PSME4: variants seen among roughly 807,000 people sequenced by gnomAD.
The protein encoded by PSME4 is proteasome activator complex subunit 4.
In PSME4, 89 loss-of-function variants were observed where a neutral mutation model predicts 253.9. That is an observed-to-expected ratio of 0.35 (90% CI 0.30 to 0.42). PSME4 has a LOEUF of 0.42. Ranked by LOEUF, PSME4 falls within the 10% of genes least tolerant of loss-of-function variation. PSME4 has a pLI of 1.00. For missense variants in PSME4, 2,014 were observed against 2,195.2 expected, an observed-to-expected ratio of 0.92 and a Z score of 1.65; for synonymous variants, 851 against 759.2, an observed-to-expected ratio of 1.12 and a Z score of -1.99.
intron 2 of PSME4, among the ~76,000 whole-genome samples, chr2:53,948,849 CAGG>C (rs111948541): frequency 0.015 from 2,224 of 152,286 alleles, 25 homozygotes; most frequent in Middle Eastern, 0.037. Context: ...TTGGATGCTT[CAGG>C]GTAAGCAAAA....
At chr2:53,904,250 A>T in intron 26 of PSME4, 94 bp from the exon 27 acceptor site, 1 of 1,267,462 alleles carries the variant, frequency 7.9e-7, no homozygotes, top group Non-Finnish European at 1.1e-6. Flanking sequence ...GATAATTTAC[A>T]TGTTTTTCTC....
Position 53,970,729 on chromosome 2 carries a change from G to T in PSME4, c.56C>A (p.Pro19His), listed in dbSNP as rs1204412972. 6.5e-7 allele frequency: 1 copy of T among 1,547,602 alleles called. No individual in the cohort carries two copies. Among genetic ancestry groups the T allele is most frequent in the Admixed American group, 2.0e-5 (1 of 50,888 alleles). ...VGEPPEPGGR[P>H]EPGPRGFVPQ... is the part of the protein sequence containing the mutation. ...GACGAAGCCCCGCGGGCCCGGCTCG[G>T]GACGCCCGCCCGGCTCCGGGGGCTC... Residue 19 changes from proline (P) to histidine (H), a missense_variant, in exon 1 of 47, where the codon CCC becomes CAC. Physicochemically the swap from Pro to His is moderately conservative, Grantham distance 77. This residue lies in a region of PSME4 where 615 missense variants were observed against 594.4 expected (regional missense o/e 1.03). Transcript: ENST00000404125.
chr2:53,962,373 T>C lies in PSME4; in HGVS notation c.242+8170A>G, dbSNP rs552519332. Among the ~76,000 whole-genome samples, 235 of 143,772 alleles carry C rather than the reference T, an allele frequency of 1.6e-3. 1 individual carries two copies. The highest frequency in any genetic ancestry group is 5.6e-3 in the African/African-American group (215 of 38,444). The allele number at this position is 143,772 out of a possible 152,430, so 94.3% of individuals were successfully genotyped here. On this transcript the variant is annotated intron_variant, in intron 1 of 46. Transcript: ENST00000404125. ...AGAAAAACAGTTCTTAGAAGTTATA[T>C]AGTTATATGCTTATTTACAAGCTTG...
intron 38 of PSME4, 86 bp from the exon 39 acceptor site, chr2:53,888,075 A>C: frequency 7.4e-7 from 1 of 1,354,318 alleles, no homozygotes; most frequent in South Asian, 1.9e-5. Flanking sequence ...TCTGTATTTC[A>C]CTTAAAGCTT....
In PSME4 at chr2:53,931,973, A is replaced by C; in HGVS notation, c.1178T>G (p.Val393Gly). 1 of 1,614,152 alleles carries C rather than the reference A, an allele frequency of 6.2e-7. No homozygotes were observed. The highest frequency in any genetic ancestry group is 2.2e-5 in the East Asian group (1 of 44,882). The change falls in exon 10 of 47, where the codon GTT becomes GGT. Residue 393 changes from valine (V) to glycine (G), a missense_variant. Val to Gly is a moderately radical substitution (Grantham distance 109, BLOSUM62 -3). This residue lies in a region of PSME4 where 615 missense variants were observed against 594.4 expected (regional missense o/e 1.03). Transcript: ENST00000404125. ...PDSHKLTDQD[V>G]TDFVQCIIQP... The stretch of plus-strand genomic sequence containing the variant: ...AATAATGCATTGTACAAAGTCTGTA[A>C]CATCTTGATCAGTAAGCTTGTGGCT...
intron 41 of PSME4, among the ~76,000 whole-genome samples, chr2:53,884,084 A>G (rs543294405): frequency 2.8e-4 from 43 of 152,312 alleles, no homozygotes; most frequent in African/African-American, 9.1e-4. Flanking sequence ...CAAAATAACT[A>G]TGACATGATG....
intron 16 of PSME4, 138 bp from the exon 17 acceptor site, chr2:53,922,722 A>G: frequency 8.8e-7 from 1 of 1,132,432 alleles, no homozygotes; most frequent in Non-Finnish European, 1.2e-6. Context: ...TTCTTCATGA[A>G]GCTGAGCTTG....
chr2:53,886,029 G>T (rs893266761), intron 40 of PSME4, among the ~76,000 whole-genome samples: 3 of 152,152 alleles, frequency 2.0e-5, no homozygotes, highest in Non-Finnish European at 2.9e-5. Flanking sequence ...CAGAATAGGA[G>T]AAAATATTTC....
intron 1 of PSME4, among the ~76,000 whole-genome samples, chr2:53,957,358 A>G (rs1670283193): frequency 1.3e-5 from 2 of 152,222 alleles, no homozygotes. Flanking sequence ...ATCATAATGT[A>G]GAATCAGTGG....
At chr2:53,904,891 G>A (rs1220804578) in intron 26 of PSME4, among the ~76,000 whole-genome samples, 1 of 151,856 alleles carries the variant, frequency 6.6e-6, no homozygotes, top group East Asian at 2.0e-4. Flanking sequence ...GGGAGGCTGA[G>A]GCAGGAGAAT....
intron 24 of PSME4, among the ~76,000 whole-genome samples, chr2:53,907,485 A>G (rs919357001): frequency 4.6e-5 from 7 of 152,078 alleles, no homozygotes; most frequent in Admixed American, 1.3e-4. Flanking sequence ...TTTCACCTGG[A>G]GTGAAACAGT....
At chr2:53,958,303 C>G (rs1042420579) in intron 1 of PSME4, among the ~76,000 whole-genome samples, 3 of 151,674 alleles carry the variant, frequency 2.0e-5, no homozygotes, top group Non-Finnish European at 4.4e-5. Context: ...TTGCAGTGAG[C>G]TGAGATAGCA....
chr2:53,936,217 C>A, intron 6 of PSME4, 56 bp from the exon 7 acceptor site: 1 of 1,603,696 alleles, frequency 6.2e-7, no homozygotes, highest in South Asian at 1.1e-5. Flanking sequence ...GTTTAAGTGT[C>A]ATAGTCACAC....
intron 38 of PSME4, 81 bp downstream of exon 38, chr2:53,888,640 A>G: frequency 1.0e-6 from 1 of 967,506 alleles, no homozygotes; most frequent in Non-Finnish European, 1.6e-6. Context: ...CTTTACAAGT[A>G]TAGACCATTC....
chr2:53,878,161 T>C (rs1389376942), intron 41 of PSME4, among the ~76,000 whole-genome samples: 1 of 152,172 alleles, frequency 6.6e-6, no homozygotes, highest in Non-Finnish European at 1.5e-5. Flanking sequence ...ATTGTGAAGA[T>C]TTCATGGACA....
chr2:53,945,770 G>A (rs995143182), intron 3 of PSME4, among the ~76,000 whole-genome samples: 4 of 152,168 alleles, frequency 2.6e-5, no homozygotes, highest in African/African-American at 9.7e-5. Context: ...TCTAAAAATA[G>A]TATGAACACA....
At chr2:53,875,960 C>T (rs1344187529) in intron 41 of PSME4, among the ~76,000 whole-genome samples, 2 of 152,064 alleles carry the variant, frequency 1.3e-5, no homozygotes, top group African/African-American at 2.4e-5. Context: ...TTTCATTTTT[C>T]CTCCCCTCTG....
At chr2:53,927,269 T>C in intron 12 of PSME4, 125 bp downstream of exon 12, 2 of 706,238 alleles carry the variant, frequency 2.8e-6, no homozygotes, top group Non-Finnish European at 2.4e-6. Context: ...CCTCCATATG[T>C]ACCATTCTAG....
intron 36 of PSME4, among the ~76,000 whole-genome samples, chr2:53,890,573 C>T (rs1335972084): frequency 6.6e-6 from 1 of 152,166 alleles, no homozygotes; most frequent in Non-Finnish European, 1.5e-5. Context: ...TCCCAAAGTG[C>T]TGGAATTATA....
Sources: gnomAD v4.1 joint callset for allele counts (sites outside exome capture counted in the v4.1 genomes callset) on GRCh38, gnomAD v4.1.1 for gene constraint, gnomAD v4.1.1 regional missense constraint, MANE v1.5 for transcripts, NCBI Gene and HGNC (gene_info 2026-07-23, HGNC 2026-07-21) for gene names.